QNG1: variants seen among roughly 807,000 people sequenced by gnomAD.
QNG1 encodes the protein queuosine 5'-phosphate N-glycosylase/hydrolase.
At chr9:83,942,493 G>A in the QNG1 span, among the ~76,000 whole-genome samples, 2 of 152,108 alleles carry the variant, frequency 1.3e-5, no homozygotes, top group South Asian at 4.1e-4. Flanking sequence ...GAGGGGAGAA[G>A]GGAAAGAATA....
chr9:83,939,457 GATGAT>G, the QNG1 span: 1 of 1,170,932 alleles, frequency 8.5e-7, no homozygotes, highest in African/African-American at 1.5e-5. Context: ...AAACTGTACA[GATGAT>G]ATGATATAAA....
the QNG1 span, chr9:83,939,816 C>T: frequency 2.1e-6 from 2 of 971,684 alleles, no homozygotes; most frequent in East Asian, 2.4e-5. Context: ...TCCTGTAGAA[C>T]AAAACAGAGT....
chr9:83,943,203 C>T, the QNG1 span, among the ~76,000 whole-genome samples: 7,886 of 151,512 alleles, frequency 0.052, 391 homozygotes, highest in Admixed American at 0.15. Context: ...AGCCAGGCAT[C>T]GTGGCATGCG....
the QNG1 span, among the ~76,000 whole-genome samples, chr9:83,943,428 AC>A: frequency 6.6e-6 from 1 of 151,338 alleles, no homozygotes; most frequent in Admixed American, 6.6e-5. Context: ...TGTGTACAAA[AC>A]AAAAAAAAAG....
chr9:83,955,593 G>C, the QNG1 span: 2 of 1,614,126 alleles, frequency 1.2e-6, no homozygotes, highest in Non-Finnish European at 1.7e-6. Context: ...TTCCGAACCT[G>C]ATCCAGGGTC....
At chr9:83,943,266 G>A in the QNG1 span, among the ~76,000 whole-genome samples, 3 of 149,536 alleles carry the variant, frequency 2.0e-5, no homozygotes, top group Admixed American at 1.3e-4. Context: ...CTTGAACCTG[G>A]GAGGCGGAGG....
the QNG1 span, chr9:83,955,292 A>G: frequency 1.3e-4 from 173 of 1,373,324 alleles, 2 homozygotes; most frequent in East Asian, 1.9e-3. Context: ...TAAAAATTTA[A>G]GTTTTTATTC....
At chr9:83,939,340 G>GT in the QNG1 span, 1 of 584,120 alleles carries the variant, frequency 1.7e-6, no homozygotes, top group South Asian at 2.0e-5. Context: ...CCACAGTGCT[G>GT]GGATTACAGG....
the QNG1 span, among the ~76,000 whole-genome samples, chr9:83,948,097 G>C: frequency 6.6e-6 from 1 of 151,102 alleles, no homozygotes; most frequent in Non-Finnish European, 1.5e-5. Flanking sequence ...CCCATCGTCT[G>C]AGATGTGGGG....
chr9:83,938,663 T>C, the QNG1 span: 1 of 140,326 alleles, frequency 7.1e-6, no homozygotes, highest in African/African-American at 2.6e-5. Flanking sequence ...CAACTACATG[T>C]CCACAGGGGG....
the QNG1 span, chr9:83,955,644 T>C: frequency 6.2e-7 from 1 of 1,606,660 alleles, no homozygotes; most frequent in African/African-American, 1.3e-5. Flanking sequence ...GGTATCCCTT[T>C]AGTGAAAAAA....
chr9:83,955,629 T>A, the QNG1 span: 3 of 1,611,768 alleles, frequency 1.9e-6, no homozygotes, highest in Non-Finnish European at 2.5e-6. Context: ...GAGGCACTAG[T>A]TATTGGTATC....
chr9:83,939,432 CT>C, the QNG1 span: 2 of 958,992 alleles, frequency 2.1e-6, no homozygotes, highest in Non-Finnish European at 3.2e-6. Context: ...ATCATGTTCT[CT>C]AAATATCAAA....
At chr9:83,941,130 T>C in the QNG1 span, among the ~76,000 whole-genome samples, 1 of 152,160 alleles carries the variant, frequency 6.6e-6, no homozygotes, top group Admixed American at 6.5e-5. Context: ...GACTGTAACC[T>C]TGAGGCAGAG....
At chr9:83,955,639 C>A in the QNG1 span, 5 of 1,607,232 alleles carry the variant, frequency 3.1e-6, no homozygotes, top group Admixed American at 5.0e-5. Flanking sequence ...TTATTGGTAT[C>A]CCTTTAGTGA....
At chr9:83,951,951 G>A in the QNG1 span, among the ~76,000 whole-genome samples, 7 of 152,194 alleles carry the variant, frequency 4.6e-5, no homozygotes, top group South Asian at 2.1e-4. Context: ...ATAGGTATAC[G>A]TTAAAAACAC....
chr9:83,951,060 T>C, the QNG1 span, among the ~76,000 whole-genome samples: 2 of 151,828 alleles, frequency 1.3e-5, no homozygotes, highest in Non-Finnish European at 2.9e-5. Context: ...TCACCCGAAG[T>C]CAGGAGTTCA....
chr9:83,943,304 C>T, the QNG1 span, among the ~76,000 whole-genome samples: 20 of 135,746 alleles, frequency 1.5e-4, 1 homozygote, highest in South Asian at 4.7e-3. Flanking sequence ...CACGCCACCA[C>T]ACTCCAGCTT....
chr9:83,948,492 C>T, the QNG1 span, among the ~76,000 whole-genome samples: 2 of 149,066 alleles, frequency 1.3e-5, no homozygotes, highest in Middle Eastern at 3.5e-3. Flanking sequence ...CGCCTCCGCC[C>T]GGCCACCGCC....
Sources: gnomAD v4.1 joint callset for allele counts (sites outside exome capture counted in the v4.1 genomes callset) on GRCh38, gnomAD v4.1.1 for gene constraint, MANE v1.5 for transcripts, NCBI Gene and HGNC (gene_info 2026-07-23, HGNC 2026-07-21) for gene names.